The following SGCD variants were observed in gnomAD, a reference collection of about 807,000 sequenced individuals.
SGCD encodes delta-sarcoglycan.
SGCD carries 18 observed loss-of-function variants against 36.6 expected under a neutral mutation model. That is an observed-to-expected ratio of 0.49 (90% CI 0.34 to 0.73). SGCD has a LOEUF of 0.73. Ranked by LOEUF, SGCD falls within the 30% of genes least tolerant of loss-of-function variation. SGCD has a pLI of 0.01. For missense variants in SGCD, 387 were observed against 346.7 expected (o/e 1.12, Z -0.92); for synonymous variants, 133 against 130.6 (o/e 1.02, Z -0.12).
intron 1 of SGCD, among the ~76,000 whole-genome samples, chr5:156,000,376 G>A (rs533416391): frequency 7.2e-5 from 11 of 152,268 alleles, no homozygotes; most frequent in Non-Finnish European, 1.2e-4. Context: ...GACCTGAGCC[G>A]CAGGTGGACA....
At chr5:156,149,443 T>C (rs1231399883) in intron 3 of SGCD, among the ~76,000 whole-genome samples, 1 of 152,214 alleles carries the variant, frequency 6.6e-6, no homozygotes, top group Non-Finnish European at 1.5e-5. Context: ...CTTCAGATGC[T>C]TCTTTGCATC....
At chr5:156,412,877 GCT>G (rs1016613298) in intron 3 of SGCD, among the ~76,000 whole-genome samples, 1 of 149,046 alleles carries the variant, frequency 6.7e-6, no homozygotes, top group Non-Finnish European at 1.5e-5. Context: ...CTCACTGCAA[GCT>G]CTGCTTCCCG....
intron 7 of SGCD, among the ~76,000 whole-genome samples, chr5:156,649,866 AT>A (rs553042415): frequency 0.018 from 2,701 of 151,224 alleles, 30 homozygotes; most frequent in Non-Finnish European, 0.024. Context: ...TATAATAATA[AT>A]TTTTTTTTTA....
At chr5:156,333,426 A>G (rs1036954029) in intron 2 of SGCD, among the ~76,000 whole-genome samples, 1 of 152,244 alleles carries the variant, frequency 6.6e-6, no homozygotes, top group Non-Finnish European at 1.5e-5. Context: ...TAATATCCAT[A>G]TTAAGAACTT....
At chr5:156,310,117 C>A (rs1014793680) in intron 3 of SGCD, among the ~76,000 whole-genome samples, 1 of 152,174 alleles carries the variant, frequency 6.6e-6, no homozygotes, top group Admixed American at 6.5e-5. Flanking sequence ...TCTGAGCCTG[C>A]AAATTTACCT....
chr5:155,742,824 T>G, the SGCD span, among the ~76,000 whole-genome samples: 1,390 of 152,344 alleles, frequency 9.1e-3, 18 homozygotes, highest in African/African-American at 0.032. Context: ...GACTTGTGCT[T>G]CTGACCAACC....
chr5:155,931,512 A>C (rs1757096431), intron 1 of SGCD, among the ~76,000 whole-genome samples: 1 of 152,154 alleles, frequency 6.6e-6, no homozygotes, highest in Non-Finnish European at 1.5e-5. Flanking sequence ...GTTTCTCTAT[A>C]AGGATTCAAA....
chr5:155,811,636 C>T, the SGCD span, among the ~76,000 whole-genome samples: 1 of 152,110 alleles, frequency 6.6e-6, no homozygotes, highest in Non-Finnish European at 1.5e-5. Context: ...TGGCCAGCAG[C>T]CCGCAATGCA....
chr5:155,730,025 C>A, the SGCD span, among the ~76,000 whole-genome samples: 1 of 152,084 alleles, frequency 6.6e-6, no homozygotes, highest in Admixed American at 6.6e-5. Context: ...AAACACCAGG[C>A]GTTTTTATCT....
chr5:156,170,444 A>G (rs7709917), intron 3 of SGCD, among the ~76,000 whole-genome samples: 83,256 of 152,050 alleles, frequency 0.55, 24,698 homozygotes, highest in East Asian at 0.94. Flanking sequence ...CTAGGCATAG[A>G]AAGTTACCTT....
intron 3 of SGCD, among the ~76,000 whole-genome samples, chr5:156,426,779 G>A (rs1046045234): frequency 1.3e-5 from 2 of 151,878 alleles, no homozygotes; most frequent in African/African-American, 4.8e-5. Flanking sequence ...TTCTACTTGT[G>A]GCTTGTTAGT....
At chr5:155,833,033 C>T in the SGCD span, among the ~76,000 whole-genome samples, 1 of 141,574 alleles carries the variant, frequency 7.1e-6, no homozygotes, top group Non-Finnish European at 1.5e-5. Flanking sequence ...CATCGTGAAA[C>T]CCCGTCTCTA....
chr5:156,754,192 C>T (rs1338739841), intron 7 of SGCD, among the ~76,000 whole-genome samples: 1 of 152,202 alleles, frequency 6.6e-6, no homozygotes, highest in African/African-American at 2.4e-5. Flanking sequence ...GAGGCCTAGG[C>T]AGTGGGCAAG....
chr5:156,300,725 C>G (rs1367541108), intron 3 of SGCD, among the ~76,000 whole-genome samples: 2 of 151,988 alleles, frequency 1.3e-5, no homozygotes, highest in Admixed American at 6.6e-5. Context: ...AAGTCTCCAG[C>G]TATTCTTGTA....
At chr5:156,492,209 C>G (rs954983482) in intron 3 of SGCD, among the ~76,000 whole-genome samples, 1 of 152,122 alleles carries the variant, frequency 6.6e-6, no homozygotes, top group Non-Finnish European at 1.5e-5. Context: ...TTTCTAGAAA[C>G]TACATCTGGG....
At chr5:156,680,986 C>T (rs922249699) in intron 7 of SGCD, among the ~76,000 whole-genome samples, 3 of 152,096 alleles carry the variant, frequency 2.0e-5, no homozygotes, top group African/African-American at 7.2e-5. Flanking sequence ...AACACTGGAA[C>T]CAGCCGGTCG....
intron 3 of SGCD, among the ~76,000 whole-genome samples, chr5:156,180,498 T>TA (rs1445631419): frequency 2.0e-5 from 3 of 152,136 alleles, no homozygotes; most frequent in Non-Finnish European, 4.4e-5. Flanking sequence ...GTAATTTTAA[T>TA]AAAAAATCAA....
chr5:156,301,361 A>C (rs1328829983), intron 3 of SGCD, among the ~76,000 whole-genome samples: 2 of 152,132 alleles, frequency 1.3e-5, no homozygotes, highest in East Asian at 3.8e-4. Flanking sequence ...AAAAGAAACA[A>C]ACTAACAAAG....
chr5:156,202,946 C>T (rs1764187026), intron 3 of SGCD, among the ~76,000 whole-genome samples: 2 of 151,824 alleles, frequency 1.3e-5, no homozygotes, highest in African/African-American at 4.8e-5. Flanking sequence ...TTTTCATAGG[C>T]AAGCAAGTTT....
Sources: gnomAD v4.1 joint callset for allele counts (sites outside exome capture counted in the v4.1 genomes callset) on GRCh38, gnomAD v4.1.1 for gene constraint, MANE v1.5 for transcripts, NCBI Gene and HGNC (gene_info 2026-07-23, HGNC 2026-07-21) for gene names.